The following METTL15 variants were observed in gnomAD, a reference collection of about 807,000 sequenced individuals.
METTL15 encodes the protein methyltransferase 15, mitochondrial 12S rRNA N4-cytidine, also known as 12S rRNA N(4)-cytidine methyltransferase METTL15.
In METTL15, 34 loss-of-function variants were observed where a neutral mutation model predicts 38.3. The observed-to-expected ratio is 0.89, with a 90% CI of 0.68 to 1.18. The LOEUF (loss-of-function observed/expected upper bound fraction) is 1.18. Ranked by LOEUF, METTL15 falls within the 50% of genes most tolerant of loss-of-function variation. The pLI is 0.00. For missense variants in METTL15, 438 were observed against 498.4 expected, an observed-to-expected ratio of 0.88 and a Z score of 1.15; for synonymous variants, 162 against 170.9, an observed-to-expected ratio of 0.95 and a Z score of 0.41.
chr11:28,387,874 C>A (rs1289240380), intron 5 of METTL15, among the ~76,000 whole-genome samples: 1 of 152,028 alleles, frequency 6.6e-6, no homozygotes, highest in Non-Finnish European at 1.5e-5. Flanking sequence ...TTGAGTCCTG[C>A]AATGCAAATA....
chr11:28,194,365 A>G (rs1015953081), intron 3 of METTL15, among the ~76,000 whole-genome samples: 11 of 150,982 alleles, frequency 7.3e-5, no homozygotes, highest in Non-Finnish European at 1.6e-4. Flanking sequence ...TGTCTGGCTA[A>G]TTTTTTGTAT....
chr11:28,129,904 A>T (rs1234535685), intron 3 of METTL15, among the ~76,000 whole-genome samples: 1 of 152,178 alleles, frequency 6.6e-6, no homozygotes, highest in Admixed American at 6.5e-5. Context: ...ATTTTGTGGA[A>T]TACCAGTATT....
rs537373747 is a variant in METTL15, at chr11:28,377,019, CGA to C, written c.*358+14988_*358+14989del. Reference sequence around the variant, plus strand: ...CTCTTCTGGCTTGTAGGGTTTCTGCCGAGAGATCCGCTGTTAGTCTGATGGGC... The same window carrying C: ...CTCTTCTGGCTTGTAGGGTTTCTGCCGAGATCCGCTGTTAGTCTGATGGGC... On this transcript the variant is annotated intron_variant and NMD_transcript_variant, in intron 5 of 7. Coordinates refer to the METTL15 transcript ENST00000532947. 4.9e-3 allele frequency among the ~76,000 whole-genome samples: 541 copies of C among 110,988 alleles called. 3 individuals carry two copies. The highest frequency in any genetic ancestry group is 0.014 in the African/African-American group (511 of 35,888). 72.8% of individuals were successfully genotyped at this position (110,988 alleles called of 152,430 possible).
In METTL15 at chr11:28,290,292, G is replaced by T. The variant is rs773366749; in HGVS notation, c.494G>T (p.Gly165Val). The T allele has an allele frequency of 1.9e-5, 30 of 1,613,388 alleles. No individual in the cohort carries two copies. Among genetic ancestry groups the T allele is most frequent in the Non-Finnish European group, 2.5e-5 (29 of 1,179,674 alleles). The change falls in exon 5 of 7, where the codon GGA (glycine) becomes GTA (valine). Residue 165 changes from glycine (G) to valine (V), a missense_variant. Transcript: ENST00000407364. ...KAGVQPGTFD[G>V]VLMDLGCSSM... Reference sequence around the variant, plus strand: ...GGAGTGCAGCCAGGAACTTTTGATGGAGTTCTTATGGATCTTGGGTGTTCC... The same window carrying T: ...GGAGTGCAGCCAGGAACTTTTGATGTAGTTCTTATGGATCTTGGGTGTTCC...
At chr11:28,358,653 A>G (rs1850110341) in intron 4 of METTL15, among the ~76,000 whole-genome samples, 1 of 152,174 alleles carries the variant, frequency 6.6e-6, no homozygotes, top group African/African-American at 2.4e-5. Flanking sequence ...TCAGTCTCTT[A>G]TAATTATTTA....
intron 6 of METTL15, among the ~76,000 whole-genome samples, chr11:28,522,026 T>C (rs1451512529): frequency 6.6e-6 from 1 of 152,176 alleles, no homozygotes; most frequent in African/African-American, 2.4e-5. Flanking sequence ...AATACAGGTG[T>C]GTAGTAATGA....
chr11:28,172,561 C>T (rs1023406211), intron 3 of METTL15, among the ~76,000 whole-genome samples: 5 of 151,954 alleles, frequency 3.3e-5, no homozygotes, highest in Non-Finnish European at 7.4e-5. Context: ...TTTATTATAC[C>T]GTTTTAGCAC....
chr11:28,190,286 T>A (rs1851653199), intron 3 of METTL15, among the ~76,000 whole-genome samples: 1 of 151,202 alleles, frequency 6.6e-6, no homozygotes, highest in Non-Finnish European at 1.5e-5. Context: ...GAATTTATAT[T>A]TTTATAAATA....
At chr11:28,465,502 C>T (rs1350011364) in intron 6 of METTL15, among the ~76,000 whole-genome samples, 1 of 152,174 alleles carries the variant, frequency 6.6e-6, no homozygotes, top group Non-Finnish European at 1.5e-5. Context: ...GACATCTCCA[C>T]TTCGATAACT....
chr11:28,111,873 A>G (rs17310069), intron 2 of METTL15, among the ~76,000 whole-genome samples: 15,806 of 152,232 alleles, frequency 0.1, 1,100 homozygotes, highest in South Asian at 0.24. Context: ...TTACTTTTGT[A>G]CGCTTTCCAG....
chr11:28,348,178 T>G (rs1415429741), intron 3 of METTL15, among the ~76,000 whole-genome samples: 1 of 152,240 alleles, frequency 6.6e-6, no homozygotes, highest in Non-Finnish European at 1.5e-5. Flanking sequence ...TGGAGATACT[T>G]TGAGACTATG....
In METTL15 at chr11:28,190,736, TATA is replaced by T. The variant is rs1179782686; in HGVS notation, c.271-20323_271-20321del. On this transcript the variant is annotated intron_variant, in intron 3 of 6. Transcript: ENST00000407364. ...GGAATGTATCGAAACATAGGTAAAT[TATA>T]ATGATAGATGAGGGAGACAATGTTT... 3.3e-5 allele frequency among the ~76,000 whole-genome samples: 5 copies of T among 151,394 alleles called. No individual in the cohort carries two copies. In the East Asian group the frequency reaches 5.8e-4, roughly 18 times the overall value.
intron 5 of METTL15, among the ~76,000 whole-genome samples, chr11:28,373,743 G>T (rs1335092492): frequency 6.6e-6 from 1 of 152,020 alleles, no homozygotes; most frequent in Non-Finnish European, 1.5e-5. Flanking sequence ...CCTTGCCCGT[G>T]CCTATGTCCT....
At chr11:28,375,633 A>AT (rs1050442911) in intron 5 of METTL15, among the ~76,000 whole-genome samples, 24 of 151,856 alleles carry the variant, frequency 1.6e-4, no homozygotes, top group Middle Eastern at 6.3e-3. Flanking sequence ...GGTTTCATTA[A>AT]TTTTTTGAAG....
intron 5 of METTL15, among the ~76,000 whole-genome samples, chr11:28,422,836 T>C (rs1850832025): frequency 2.0e-5 from 3 of 151,790 alleles, no homozygotes; most frequent in Non-Finnish European, 2.9e-5. Flanking sequence ...AAAGCAAAAA[T>C]GGACAAATGG....
intron 3 of METTL15, among the ~76,000 whole-genome samples, chr11:28,183,741 A>C (rs1045370511): frequency 3.9e-5 from 6 of 151,918 alleles, no homozygotes; most frequent in Non-Finnish European, 8.8e-5. Flanking sequence ...TGTCTCTGCC[A>C]GGTTTTGGTA....
At chr11:28,220,861 G>A (rs919317159) in intron 4 of METTL15, among the ~76,000 whole-genome samples, 3 of 152,058 alleles carry the variant, frequency 2.0e-5, no homozygotes, top group African/African-American at 7.2e-5. Flanking sequence ...ATTGAAAATT[G>A]TTTTCTTTAA....
chr11:28,347,758 C>A (rs1324430893), intron 3 of METTL15, among the ~76,000 whole-genome samples: 1 of 152,218 alleles, frequency 6.6e-6, no homozygotes, highest in Non-Finnish European at 1.5e-5. Flanking sequence ...AAAATGCTGT[C>A]TCCTGTGCCT....
intron 6 of METTL15, among the ~76,000 whole-genome samples, chr11:28,521,385 C>A (rs942739086): frequency 1.3e-5 from 2 of 152,178 alleles, no homozygotes; most frequent in Non-Finnish European, 2.9e-5. Context: ...GCCAAAAGAG[C>A]ACTATACCAT....
Sources: gnomAD v4.1 joint callset for allele counts (sites outside exome capture counted in the v4.1 genomes callset) on GRCh38, gnomAD v4.1.1 for gene constraint, MANE v1.5 for transcripts, NCBI Gene and HGNC (gene_info 2026-07-23, HGNC 2026-07-21) for gene names.